SMYD3: variants seen among roughly 807,000 people sequenced by gnomAD.
SMYD3 encodes histone-lysine N-methyltransferase SMYD3.
In SMYD3, 36 loss-of-function variants were observed where a neutral mutation model predicts 57.7. The observed-to-expected ratio is 0.62, with a 90% CI of 0.48 to 0.82. The LOEUF is 0.82. SMYD3 is among the 40% of genes least tolerant of loss of function. The pLI, the probability that SMYD3 is intolerant of heterozygous loss-of-function variation, is 0.00. For synonymous variants in SMYD3, 211 were observed against 195.0 expected, an observed-to-expected ratio of 1.08 and a Z score of -0.68; for missense variants, 515 against 538.8, an observed-to-expected ratio of 0.96 and a Z score of 0.44.
chr1:245,953,201 T>C (rs1477564284), intron 5 of SMYD3: 1 of 986,376 alleles, frequency 1.0e-6, no homozygotes, highest in Non-Finnish European at 1.2e-6. Context: ...ATTATCAGTA[T>C]ATCTGGAGAA....
intron 5 of SMYD3, among the ~76,000 whole-genome samples, chr1:246,307,576 C>T (rs1054330117): frequency 9.2e-5 from 14 of 151,514 alleles, no homozygotes; most frequent in African/African-American, 2.9e-4. Context: ...CCCGCCACCA[C>T]GCCCGGCTAA....
rs147306741 is a variant in SMYD3, at chr1:245,978,129, T to C, written c.532-48192A>G. On this transcript the variant is annotated intron_variant, in intron 5 of 11. Coordinates refer to ENST00000490107, the MANE Select transcript of SMYD3 (RefSeq NM_001167740.2). ...GAGTGAACATGGGCAGAAGGAATCG[T>C]GAAGTAAACGCTTCCAAGTCGGAAC... 2.9e-3 allele frequency among the ~76,000 whole-genome samples: 447 copies of C among 152,266 alleles called. 1 individual carries two copies. Among genetic ancestry groups the C allele is most frequent in the South Asian group, 4.8e-3 (23 of 4,818 alleles).
intron 1 of SMYD3, among the ~76,000 whole-genome samples, chr1:246,393,788 G>T (rs999007364): frequency 2.0e-5 from 3 of 152,022 alleles, no homozygotes; most frequent in Non-Finnish European, 4.4e-5. Context: ...CCTGGGAAGT[G>T]AGGCTGCCGT....
At chr1:246,236,201 A>T (rs570724344) in intron 5 of SMYD3, among the ~76,000 whole-genome samples, 1 of 152,262 alleles carries the variant, frequency 6.6e-6, no homozygotes, top group East Asian at 1.9e-4. Flanking sequence ...ATGATAAATA[A>T]GTATACATTT....
chr1:245,849,541 T>G (rs887973241), intron 10 of SMYD3, among the ~76,000 whole-genome samples: 3 of 152,244 alleles, frequency 2.0e-5, no homozygotes, highest in African/African-American at 2.4e-5. Flanking sequence ...ATCAGTGTAC[T>G]TCTTACCAGA....
chr1:246,222,626 G>A (rs1417829203), intron 5 of SMYD3, among the ~76,000 whole-genome samples: 3 of 152,102 alleles, frequency 2.0e-5, no homozygotes, highest in African/African-American at 7.3e-5. Context: ...AATCCTCCTT[G>A]ATAAGAAGAA....
intron 5 of SMYD3, among the ~76,000 whole-genome samples, chr1:246,155,582 A>G: frequency 6.6e-6 from 1 of 152,236 alleles, no homozygotes; most frequent in East Asian, 1.9e-4. Context: ...ACAATCATTC[A>G]CTTATTGGTT....
intron 5 of SMYD3, among the ~76,000 whole-genome samples, chr1:246,178,140 A>G (rs1024138173): frequency 2.6e-5 from 4 of 152,206 alleles, no homozygotes; most frequent in African/African-American, 9.7e-5. Context: ...GTGAAATGGC[A>G]GGAGGAGGGA....
At chr1:246,459,368 T>C (rs1055510683) in intron 1 of SMYD3, among the ~76,000 whole-genome samples, 1 of 151,070 alleles carries the variant, frequency 6.6e-6, no homozygotes, top group Non-Finnish European at 1.5e-5. Flanking sequence ...CACGTCCCCA[T>C]TCACTCTCTC....
At chr1:245,797,850 G>A (rs1011165779) in intron 10 of SMYD3, among the ~76,000 whole-genome samples, 20 of 104,994 alleles carry the variant, frequency 1.9e-4, no homozygotes, top group Admixed American at 5.2e-4. Flanking sequence ...AAAAAAAAAG[G>A]TGGATCAAGA....
intron 8 of SMYD3, among the ~76,000 whole-genome samples, chr1:245,889,769 C>T (rs1007623887): frequency 6.6e-6 from 1 of 152,120 alleles, no homozygotes; most frequent in African/African-American, 2.4e-5. Flanking sequence ...ACAAAAGGTC[C>T]AGAATAGCCA....
intron 9 of SMYD3, 135 bp downstream of exon 9, chr1:245,863,664 G>A (rs2051673941): frequency 2.7e-6 from 2 of 740,102 alleles, no homozygotes; most frequent in East Asian, 5.5e-5. Context: ...GGTGCGGCCT[G>A]TGACCATGGA....
At chr1:245,876,313 G>A (rs1010547490) in intron 8 of SMYD3, among the ~76,000 whole-genome samples, 1 of 152,154 alleles carries the variant, frequency 6.6e-6, no homozygotes, top group Admixed American at 6.5e-5. Flanking sequence ...AATACAGACC[G>A]GGTTCCATCG....
intron 10 of SMYD3, among the ~76,000 whole-genome samples, chr1:245,823,866 A>T (rs1326301983): frequency 1.3e-5 from 2 of 152,216 alleles, no homozygotes; most frequent in Non-Finnish European, 2.9e-5. Flanking sequence ...GGTATCAGGT[A>T]CTATGGGGTG....
intron 5 of SMYD3, among the ~76,000 whole-genome samples, chr1:245,996,754 C>G (rs1285071252): frequency 6.6e-6 from 1 of 152,220 alleles, no homozygotes; most frequent in Non-Finnish European, 1.5e-5. Flanking sequence ...GGCTAGCTTT[C>G]CAGTGTCCCC....
intron 5 of SMYD3, among the ~76,000 whole-genome samples, chr1:246,206,187 A>C (rs1179853454): frequency 6.6e-6 from 1 of 152,162 alleles, no homozygotes; most frequent in Non-Finnish European, 1.5e-5. Context: ...AAAAATCTAG[A>C]TACAACTTAA....
At chr1:246,292,478 T>A (rs1197653) in intron 5 of SMYD3, among the ~76,000 whole-genome samples, 1 of 150,644 alleles carries the variant, frequency 6.6e-6, no homozygotes, top group East Asian at 2.0e-4. Context: ...TACTATCCAA[T>A]ACACCAGTAC....
intron 6 of SMYD3, among the ~76,000 whole-genome samples, chr1:245,928,789 T>C (rs2056548494): frequency 6.6e-6 from 1 of 152,186 alleles, no homozygotes; most frequent in African/African-American, 2.4e-5. Flanking sequence ...TGCTAGAACA[T>C]CCACACTGAA....
chr1:245,847,413 A>C (rs930001690), intron 10 of SMYD3, among the ~76,000 whole-genome samples: 3 of 152,252 alleles, frequency 2.0e-5, no homozygotes, highest in African/African-American at 7.2e-5. Flanking sequence ...CTCAAAATAC[A>C]CAAGTAGCAT....
Sources: gnomAD v4.1 joint callset for allele counts (sites outside exome capture counted in the v4.1 genomes callset) on GRCh38, gnomAD v4.1.1 for gene constraint, MANE v1.5 for transcripts, NCBI Gene and HGNC (gene_info 2026-07-23, HGNC 2026-07-21) for gene names.